The following DNAJC24 variants were observed in gnomAD, a reference collection of about 807,000 sequenced individuals.
DNAJC24 encodes DnaJ heat shock protein family (Hsp40) member C24.
A neutral mutation model predicts 18.0 loss-of-function variants in DNAJC24; 17 were observed. The ratio of observed to expected loss-of-function variants is 0.94; its 90% CI spans 0.65 to 1.42. DNAJC24 has a LOEUF of 1.42. Ranked by LOEUF, DNAJC24 falls within the 40% of genes most tolerant of loss-of-function variation. The probability of loss-of-function intolerance (pLI) is 0.00; values close to 1 mark genes in which losing one functional copy is unlikely to be tolerated. For missense variants in DNAJC24, 158 were observed against 175.6 expected, an observed-to-expected ratio of 0.90 and a Z score of 0.57; for synonymous variants, 55 against 57.7, an observed-to-expected ratio of 0.95 and a Z score of 0.21.
At chr11:31,380,728 G>T (rs1371833946) in intron 2 of DNAJC24, among the ~76,000 whole-genome samples, 1 of 152,040 alleles carries the variant, frequency 6.6e-6, no homozygotes, top group Non-Finnish European at 1.5e-5. Context: ...AGTGAGTCTT[G>T]ACTACATGTA....
At chr11:31,379,008 T>A (rs776839233) in intron 2 of DNAJC24, among the ~76,000 whole-genome samples, 5 of 152,228 alleles carry the variant, frequency 3.3e-5, no homozygotes, top group Non-Finnish European at 7.3e-5. Context: ...ACTGCATGGA[T>A]CTGAGTTTCT....
chr11:31,397,562 T>G (rs1348054549), intron 2 of DNAJC24, among the ~76,000 whole-genome samples: 1 of 152,072 alleles, frequency 6.6e-6, no homozygotes, highest in African/African-American at 2.4e-5. Flanking sequence ...ATACCTAACT[T>G]TTTGTAACAT....
rs565602385 is a variant in DNAJC24, at chr11:31,431,728, A to G, written c.*1327A>G. On this transcript the variant is annotated 3_prime_UTR_variant, in exon 5 of 5. Transcript: ENST00000465995. The stretch of plus-strand genomic sequence containing the variant: ...CAGCTACTCGGGAGGCTGAGGCACA[A>G]GAATCACTTGAACCCAGGAGGCAGA... 6.6e-6 allele frequency: 1 copy of G among 152,042 alleles called. No homozygotes were observed. The highest frequency in any genetic ancestry group is 2.0e-4 in the East Asian group (1 of 5,082). 9.4% of individuals were successfully genotyped at this position (152,042 alleles called of 1,614,324 possible).
intron 4 of DNAJC24, chr11:31,429,571 A>C (rs1286548122): frequency 2.8e-6 from 1 of 360,708 alleles, no homozygotes. Context: ...TCCCAGGAAA[A>C]TGACACACTT....
intron 2 of DNAJC24, among the ~76,000 whole-genome samples, chr11:31,394,823 A>G (rs1049093799): frequency 2.6e-5 from 4 of 152,160 alleles, no homozygotes; most frequent in African/African-American, 9.6e-5. Flanking sequence ...AGCAGAAGGG[A>G]GGAATTGATA....
intron 2 of DNAJC24, among the ~76,000 whole-genome samples, chr11:31,396,000 A>T (rs1395791531): frequency 6.6e-6 from 1 of 152,112 alleles, no homozygotes; most frequent in Non-Finnish European, 1.5e-5. Context: ...AAAATTCTTC[A>T]TTGACCTTGG....
chr11:31,380,053 A>G (rs1952361455), intron 2 of DNAJC24, among the ~76,000 whole-genome samples: 1 of 152,234 alleles, frequency 6.6e-6, no homozygotes, highest in South Asian at 2.1e-4. Context: ...TATGGGCATG[A>G]GCCACTGTGC....
intron 2 of DNAJC24, among the ~76,000 whole-genome samples, chr11:31,381,798 A>G (rs1251013940): frequency 6.6e-6 from 1 of 152,018 alleles, no homozygotes; most frequent in Non-Finnish European, 1.5e-5. Context: ...GCTGGTCTCG[A>G]ACTCCTGACC....
chr11:31,403,461 A>G (rs573600123), intron 2 of DNAJC24, among the ~76,000 whole-genome samples: 49 of 152,346 alleles, frequency 3.2e-4, no homozygotes, highest in African/African-American at 1.1e-3. Flanking sequence ...TGGCCTAGAA[A>G]GGCAGGACAT....
chr11:31,370,091 C>G (rs933479308), intron 1 of DNAJC24, among the ~76,000 whole-genome samples, 179 bp downstream of exon 1: 1 of 152,136 alleles, frequency 6.6e-6, no homozygotes, highest in Admixed American at 6.5e-5. Flanking sequence ...GGTAGGGTCT[C>G]TCTTCTGGAG....
chr11:31,371,378 C>T (rs1952247527), intron 2 of DNAJC24, among the ~76,000 whole-genome samples: 1 of 152,050 alleles, frequency 6.6e-6, no homozygotes, highest in Non-Finnish European at 1.5e-5. Context: ...TTTTATTTTT[C>T]CTCTACTGTG....
chr11:31,402,619 C>T (rs1952610362), intron 2 of DNAJC24, among the ~76,000 whole-genome samples: 1 of 152,114 alleles, frequency 6.6e-6, no homozygotes, highest in African/African-American at 2.4e-5. Flanking sequence ...AGTGCACCTC[C>T]CACCTCAGCC....
At chr11:31,420,896 T>C (rs1273539316) in intron 3 of DNAJC24, among the ~76,000 whole-genome samples, 1 of 152,188 alleles carries the variant, frequency 6.6e-6, no homozygotes, top group Non-Finnish European at 1.5e-5. Context: ...CTGTTTTACC[T>C]GTTTTATAGT....
chr11:31,408,766 G>C (rs149453425), intron 2 of DNAJC24, among the ~76,000 whole-genome samples: 4 of 152,044 alleles, frequency 2.6e-5, no homozygotes, highest in African/African-American at 9.7e-5. Flanking sequence ...ATTTAAAGAA[G>C]AATTTAAGTT....
At chr11:31,390,504 G>A (rs577999021) in intron 2 of DNAJC24, among the ~76,000 whole-genome samples, 35 of 150,904 alleles carry the variant, frequency 2.3e-4, no homozygotes, top group African/African-American at 7.5e-4. Context: ...TCAAGAGATC[G>A]AGACCTTCCT....
intron 3 of DNAJC24, 171 bp downstream of exon 3, chr11:31,415,120 G>A: frequency 1.5e-6 from 1 of 646,142 alleles, no homozygotes; most frequent in Non-Finnish European, 2.4e-6. Flanking sequence ...TGACTATTGT[G>A]TATCCATTGA....
At chr11:31,425,262 ATTCTT>A (rs560790986) in intron 3 of DNAJC24, among the ~76,000 whole-genome samples, 38 of 152,328 alleles carry the variant, frequency 2.5e-4, no homozygotes, top group South Asian at 1.9e-3. Flanking sequence ...TGAAATAAGT[ATTCTT>A]TTAAGTTACT....
chr11:31,425,714 G>A (rs1952854419), intron 3 of DNAJC24, among the ~76,000 whole-genome samples: 1 of 152,060 alleles, frequency 6.6e-6, no homozygotes, highest in Non-Finnish European at 1.5e-5. Flanking sequence ...CTATGTCCAA[G>A]AACAGTCAAA....
At chr11:31,384,783 C>T (rs1952411948) in intron 2 of DNAJC24, 1 of 152,070 alleles carries the variant, frequency 6.6e-6, no homozygotes, top group Non-Finnish European at 1.5e-5. Flanking sequence ...ACATTTTTCT[C>T]TTGAGATTTT....
Sources: gnomAD v4.1 joint callset for allele counts (sites outside exome capture counted in the v4.1 genomes callset) on GRCh38, gnomAD v4.1.1 for gene constraint, MANE v1.5 for transcripts, NCBI Gene and HGNC (gene_info 2026-07-23, HGNC 2026-07-21) for gene names.